The following PTPRD variants were observed in gnomAD, a reference collection of about 807,000 sequenced individuals.
The protein encoded by PTPRD is protein tyrosine phosphatase receptor type D.
PTPRD carries 34 observed loss-of-function variants against 214.5 expected under a neutral mutation model. The ratio of observed to expected loss-of-function variants is 0.16; its 90% CI spans 0.12 to 0.21. The LOEUF (loss-of-function observed/expected upper bound fraction) is 0.21. Among genes scored for constraint, PTPRD ranks in the 10% least tolerant of loss-of-function variants. The pLI, the probability that PTPRD is intolerant of heterozygous loss-of-function variation, is 1.00. For synonymous variants in PTPRD, 1,128 were observed against 845.7 expected (o/e 1.33, Z -5.79); for missense variants, 2,545 against 2,398.7 (o/e 1.06, Z -1.27).
intron 8 of PTPRD, among the ~76,000 whole-genome samples, chr9:9,488,991 C>T (rs909810620): frequency 6.6e-6 from 1 of 152,272 alleles, no homozygotes; most frequent in African/African-American, 2.4e-5. Context: ...ATTATTGTTG[C>T]ACTACTCACT....
chr9:9,877,973 CA>C (rs758528718), intron 5 of PTPRD, among the ~76,000 whole-genome samples: 3,031 of 70,610 alleles, frequency 0.043, 29 homozygotes, highest in Middle Eastern at 0.086. Flanking sequence ...AACTCCATCT[CA>C]AAAAAAAAAA....
chr9:9,256,948 G>C (rs570522734), intron 9 of PTPRD, among the ~76,000 whole-genome samples: 2 of 152,092 alleles, frequency 1.3e-5, no homozygotes, highest in East Asian at 1.9e-4. Context: ...CCCAGAAAAA[G>C]AAAAGCCTTT....
chr9:8,657,249 C>A (rs1006509778), intron 12 of PTPRD, among the ~76,000 whole-genome samples: 7 of 149,510 alleles, frequency 4.7e-5, no homozygotes, highest in African/African-American at 1.7e-4. Context: ...CTCACTGCAA[C>A]CTCTGCCTCC....
At chr9:9,972,914 C>T (rs530212810) in intron 4 of PTPRD, among the ~76,000 whole-genome samples, 1 of 152,288 alleles carries the variant, frequency 6.6e-6, no homozygotes, top group South Asian at 2.1e-4. Context: ...TAATTAATTA[C>T]ATCTGCAGAG....
intron 11 of PTPRD, among the ~76,000 whole-genome samples, chr9:8,848,731 G>C (rs909666361): frequency 3.9e-5 from 6 of 152,138 alleles, no homozygotes; most frequent in East Asian, 3.9e-4. Context: ...TTAAGAGTGA[G>C]TGAAACAGAT....
chr9:9,641,136 A>G (rs2095932967), intron 7 of PTPRD, among the ~76,000 whole-genome samples: 1 of 152,238 alleles, frequency 6.6e-6, no homozygotes, highest in African/African-American at 2.4e-5. Context: ...GGGAATTGCA[A>G]TGGGCTTTCT....
At chr9:8,674,839 G>C (rs1288953951) in intron 12 of PTPRD, among the ~76,000 whole-genome samples, 4 of 152,064 alleles carry the variant, frequency 2.6e-5, no homozygotes, top group Admixed American at 2.6e-4. Flanking sequence ...GTTGTTTTTT[G>C]TATGTGTTTT....
At chr9:9,665,707 C>CT (rs1226524271) in intron 7 of PTPRD, among the ~76,000 whole-genome samples, 1 of 151,776 alleles carries the variant, frequency 6.6e-6, no homozygotes, top group Non-Finnish European at 1.5e-5. Flanking sequence ...TATTTATATC[C>CT]TTTTTTCCTA....
At chr9:10,324,522 T>A (rs144536263) in intron 3 of PTPRD, among the ~76,000 whole-genome samples, 17 of 152,138 alleles carry the variant, frequency 1.1e-4, no homozygotes, top group African/African-American at 3.9e-4. Context: ...ATATGCATAG[T>A]AGTTGCCTGA....
At chr9:9,060,921 A>T (rs1160141242) in intron 10 of PTPRD, among the ~76,000 whole-genome samples, 2 of 152,200 alleles carry the variant, frequency 1.3e-5, no homozygotes, top group African/African-American at 4.8e-5. Flanking sequence ...AATTTTTTTT[A>T]AAAAAGCAAA....
intron 7 of PTPRD, among the ~76,000 whole-genome samples, chr9:9,719,364 T>C (rs948110105): frequency 1.3e-5 from 2 of 152,052 alleles, no homozygotes; most frequent in African/African-American, 4.8e-5. Flanking sequence ...AAAAAAGCCA[T>C]AATATATTTC....
intron 36 of PTPRD, among the ~76,000 whole-genome samples, chr9:8,398,454 A>G (rs1178847625): frequency 6.6e-6 from 1 of 152,176 alleles, no homozygotes; most frequent in African/African-American, 2.4e-5. Context: ...GTGAATAAAT[A>G]TATTTATGTT....
chr9:9,866,270 T>C (rs1273364385), intron 5 of PTPRD, among the ~76,000 whole-genome samples: 3 of 151,212 alleles, frequency 2.0e-5, no homozygotes, highest in Non-Finnish European at 4.4e-5. Flanking sequence ...TTTGTTAACA[T>C]TATTTTCATG....
At chr9:8,685,088 A>T (rs960974925) in intron 12 of PTPRD, among the ~76,000 whole-genome samples, 2 of 152,108 alleles carry the variant, frequency 1.3e-5, no homozygotes, top group Admixed American at 1.3e-4. Context: ...ACAGCATTAC[A>T]TTGTTATTCC....
chr9:9,390,306 T>C (rs1449680422), intron 9 of PTPRD, among the ~76,000 whole-genome samples: 1 of 152,150 alleles, frequency 6.6e-6, no homozygotes, highest in Admixed American at 6.5e-5. Context: ...AAGGATCCAT[T>C]GGAGAGTTTT....
At chr9:8,570,509 G>A (rs186244357) in intron 14 of PTPRD, among the ~76,000 whole-genome samples, 1 of 152,270 alleles carries the variant, frequency 6.6e-6, no homozygotes, top group Non-Finnish European at 1.5e-5. Context: ...AATGTGGTGT[G>A]TAAAGTATGG....
chr9:9,224,330 G>T (rs755594033), intron 9 of PTPRD, among the ~76,000 whole-genome samples: 9 of 151,944 alleles, frequency 5.9e-5, no homozygotes, highest in African/African-American at 1.9e-4. Flanking sequence ...AAAGGGAAAG[G>T]CCATTTCAGG....
chr9:10,321,244 C>G (rs932577912), intron 3 of PTPRD, among the ~76,000 whole-genome samples: 9 of 152,016 alleles, frequency 5.9e-5, no homozygotes, highest in Non-Finnish European at 1.3e-4. Flanking sequence ...AAGAGAGTGT[C>G]TGATACACTC....
chr9:9,498,898 T>G (rs542789679), intron 8 of PTPRD, among the ~76,000 whole-genome samples: 3 of 152,200 alleles, frequency 2.0e-5, no homozygotes, highest in African/African-American at 7.2e-5. Flanking sequence ...TTAAATCAGA[T>G]CCATAAATAC....
Sources: gnomAD v4.1 joint callset for allele counts (sites outside exome capture counted in the v4.1 genomes callset) on GRCh38, gnomAD v4.1.1 for gene constraint, MANE v1.5 for transcripts, NCBI Gene and HGNC (gene_info 2026-07-23, HGNC 2026-07-21) for gene names.